Variants in GNA12 observed in about 807,000 individuals in gnomAD.
GNA12 encodes G protein subunit alpha 12.
In GNA12, 9 loss-of-function variants were observed where a neutral mutation model predicts 26.0. That is an observed-to-expected ratio of 0.35 (90% confidence interval 0.21 to 0.60). The LOEUF (loss-of-function observed/expected upper bound fraction) is 0.60, where lower values mean the gene tolerates loss of function less well. Ranked by LOEUF, GNA12 falls within the 20% of genes least tolerant of loss-of-function variation. The pLI, the probability that GNA12 is intolerant of heterozygous loss-of-function variation, is 0.78. For missense variants in GNA12, 405 were observed against 525.8 expected (o/e 0.77, Z 2.25); for synonymous variants, 264 against 219.6 (o/e 1.20, Z -1.79).
chr7:2,779,198 T>TA (rs1704779320), intron 2 of GNA12, among the ~76,000 whole-genome samples: 1 of 151,872 alleles, frequency 6.6e-6, no homozygotes, highest in African/African-American at 2.4e-5. Context: ...TACAAAAAAT[T>TA]AAAAAGCCTG....
At chr7:2,824,248 A>G (rs984141598) in intron 1 of GNA12, among the ~76,000 whole-genome samples, 3 of 152,152 alleles carry the variant, frequency 2.0e-5, no homozygotes, top group African/African-American at 7.2e-5. Context: ...TGTCCAAGTC[A>G]GATCCTGCCA....
At chr7:2,840,904 C>A (rs552684815) in intron 1 of GNA12, among the ~76,000 whole-genome samples, 1 of 151,228 alleles carries the variant, frequency 6.6e-6, no homozygotes, top group Non-Finnish European at 1.5e-5. Context: ...GTGATCTGTT[C>A]GAATAAAAAT....
intron 2 of GNA12, among the ~76,000 whole-genome samples, chr7:2,755,507 A>T (rs537390405): frequency 1.3e-5 from 2 of 152,332 alleles, no homozygotes; most frequent in South Asian, 4.1e-4. Context: ...AATGACTGTT[A>T]ATGGTGTTGC....
rs1051600150 is a variant in GNA12, at chr7:2,731,839, G to A, written c.577-89C>T. 5.8e-6 allele frequency: 4 copies of A among 683,988 alleles called. No individual in the cohort carries two copies. Among genetic ancestry groups the A allele is most frequent in the African/African-American group, 3.6e-5 (2 of 56,228 alleles). 42.4% of individuals were successfully genotyped at this position (683,988 alleles called of 1,614,324 possible). A position where few individuals can be genotyped will look rare whatever the true frequency, so the allele number is the denominator to read the frequency against. On this transcript the variant is annotated intron_variant, in intron 3 of 3. Transcript: ENST00000275364. This position sits in a 1 kb window ranked among gnomAD's most constrained non-coding sequence, Gnocchi z 6.0. ...AAAAAGATGGCAAAAAGATAAGAAG[G>A]AAAGAGACTGACTTTTGCAACAGGT... is the stretch of plus-strand genomic sequence containing the variant.
chr7:2,844,017 G>C lies in GNA12; in HGVS notation c.145C>G (p.Arg49Gly). 2.0e-6 allele frequency: 3 copies of C among 1,480,330 alleles called. No individual in the cohort carries two copies. Among genetic ancestry groups the C allele is most frequent in the Non-Finnish European group, 2.7e-6 (3 of 1,110,480 alleles). The allele number at this position is 1,480,330 out of a possible 1,614,324, so 91.7% of individuals were successfully genotyped here. ...AGGCGCCGGACCGCGCGCCGCTCGC[G>C]GGCCAGCAGCGCGTCGATGTCGCGG... The part of the protein sequence containing the change: ...RSRDIDALLA[R>G]ERRAVRRLVK... The change falls in exon 1 of 4, where the codon CGC becomes GGC. Residue 49 changes from arginine to glycine, a missense_variant. Physicochemically the swap from Arg to Gly is moderately radical, Grantham distance 125 (BLOSUM62 -2). Coordinates refer to ENST00000275364, the MANE Select transcript of GNA12 (RefSeq NM_007353.3).
chr7:2,792,180 A>G (rs754714972), intron 2 of GNA12, among the ~76,000 whole-genome samples: 6 of 152,200 alleles, frequency 3.9e-5, no homozygotes, highest in Non-Finnish European at 7.4e-5. Context: ...TCACTGCTAT[A>G]TCCCCAGCAT....
chr7:2,797,231 G>A (rs1344904536), intron 1 of GNA12, among the ~76,000 whole-genome samples: 12 of 152,222 alleles, frequency 7.9e-5, no homozygotes, highest in East Asian at 5.8e-4. Context: ...CTGCAATCTC[G>A]ACCTTCTGGG....
In GNA12 at chr7:2,738,726, A is replaced by G. The variant is rs1261164707; in HGVS notation, c.526-5225T>C. Among the ~76,000 whole-genome samples the G allele has an allele frequency of 2.6e-5, 4 of 152,298 alleles. No individual in the cohort carries two copies. In the South Asian group the frequency reaches 6.2e-4, roughly 24 times the overall value. On this transcript the variant is annotated intron_variant, in intron 2 of 3. Transcript: ENST00000275364. ...TTCCATAATTAAAAAAAAATTAAAT[A>G]AAAAACCAACCCCTCAAAATTGAAC...
In GNA12 at chr7:2,743,712, A is replaced by G. The variant is rs553413557; in HGVS notation, c.526-10211T>C. ...GCGCAGCGCACTGTGCGCGAGCCGA[A>G]GCAGGGCGAGGCACTGCCTCACTCG... On this transcript the variant is annotated intron_variant, in intron 2 of 3. Coordinates refer to ENST00000275364, the MANE Select transcript of GNA12 (RefSeq NM_007353.3). Among the ~76,000 whole-genome samples, 4 of 152,326 alleles carry G rather than the reference A, an allele frequency of 2.6e-5. No homozygotes were observed. In the East Asian group the frequency reaches 7.7e-4, roughly 29 times the overall value.
chr7:2,799,239 G>T (rs548887815), intron 1 of GNA12, among the ~76,000 whole-genome samples: 7 of 152,284 alleles, frequency 4.6e-5, no homozygotes, highest in South Asian at 2.1e-4. Context: ...CCACACATCT[G>T]CCATATCTGA....
chr7:2,782,232 A>T (rs927212389), intron 2 of GNA12, among the ~76,000 whole-genome samples: 7 of 152,248 alleles, frequency 4.6e-5, no homozygotes, highest in African/African-American at 1.4e-4. Context: ...ATAACCTTGG[A>T]TTTGGCAACA....
intron 1 of GNA12, among the ~76,000 whole-genome samples, chr7:2,811,807 G>C (rs1468557521): frequency 1.3e-5 from 2 of 152,242 alleles, no homozygotes; most frequent in Non-Finnish European, 2.9e-5. Context: ...CTTCAGAGGG[G>C]TTCTGCTGAC....
At chr7:2,759,992 G>A (rs908101681) in intron 2 of GNA12, among the ~76,000 whole-genome samples, 1 of 152,204 alleles carries the variant, frequency 6.6e-6, no homozygotes, top group Non-Finnish European at 1.5e-5. Context: ...GACCACAAAT[G>A]CATAAAAATG....
At chr7:2,777,687 C>T (rs539162161) in intron 2 of GNA12, among the ~76,000 whole-genome samples, 14 of 152,240 alleles carry the variant, frequency 9.2e-5, no homozygotes, top group South Asian at 2.1e-4. Context: ...GGAACCCCAC[C>T]GGCCAGCACC....
chr7:2,843,334 C>G (rs1280009245), intron 1 of GNA12, among the ~76,000 whole-genome samples: 1 of 152,110 alleles, frequency 6.6e-6, no homozygotes, highest in African/African-American at 2.4e-5. Context: ...TCCCACGGTC[C>G]CCAGGCACCC....
chr7:2,786,638 T>C (rs971385511), intron 2 of GNA12, among the ~76,000 whole-genome samples: 13 of 152,254 alleles, frequency 8.5e-5, no homozygotes, highest in South Asian at 6.2e-4. Context: ...AATCCTCTCA[T>C]GCACCTGGTA....
intron 1 of GNA12, among the ~76,000 whole-genome samples, chr7:2,819,868 T>C (rs1335883162): frequency 6.6e-6 from 1 of 152,126 alleles, no homozygotes; most frequent in East Asian, 1.9e-4. Context: ...GACTCAGCAA[T>C]TCCACTCCTA....
intron 1 of GNA12, among the ~76,000 whole-genome samples, chr7:2,828,606 C>G (rs139785305): frequency 7.0e-4 from 107 of 152,352 alleles, no homozygotes; most frequent in Middle Eastern, 3.4e-3. Flanking sequence ...CCCCCAAGTC[C>G]TCTAGCTCCT....
chr7:2,809,526 T>TA (rs1285126950), intron 1 of GNA12, among the ~76,000 whole-genome samples: 3 of 152,122 alleles, frequency 2.0e-5, no homozygotes, highest in African/African-American at 7.2e-5. Context: ...AAAAAAAAAT[T>TA]AGTTGTACAA....
Sources: gnomAD v4.1 joint callset for allele counts (sites outside exome capture counted in the v4.1 genomes callset) on GRCh38, gnomAD v4.1.1 for gene constraint, Gnocchi (gnomAD v3.1) non-coding constraint, MANE v1.5 for transcripts, NCBI Gene and HGNC (gene_info 2026-07-23, HGNC 2026-07-21) for gene names.